The following RNF6 variants were observed in gnomAD, a reference collection of about 807,000 sequenced individuals.
RNF6 encodes ring finger protein 6, also known as E3 ubiquitin-protein ligase RNF6.
A neutral mutation model predicts 50.1 loss-of-function variants in RNF6; 21 were observed. That is an observed-to-expected ratio of 0.42 (90% confidence interval 0.30 to 0.60). RNF6 has a LOEUF of 0.60. Ranked by LOEUF, RNF6 falls within the 20% of genes least tolerant of loss-of-function variation. The pLI, the probability that RNF6 is intolerant of heterozygous loss-of-function variation, is 0.20. For missense variants in RNF6, 698 were observed against 838.2 expected (o/e 0.83, Z 2.07); for synonymous variants, 255 against 291.8 (o/e 0.87, Z 1.29).
intron 5 of RNF6, among the ~76,000 whole-genome samples, chr13:26,156,750 T>C (rs1057124180): frequency 1.3e-5 from 2 of 152,206 alleles, no homozygotes; most frequent in Non-Finnish European, 2.9e-5. Context: ...TCAGATTCTC[T>C]CATTTTTTAG....
At position 26,214,881 on chromosome 13, in the gene RNF6, T is replaced by C. The variant is rs866997153; in HGVS notation, c.1001A>G (p.Gln334Arg). The C allele has an allele frequency of 1.4e-5, 23 of 1,614,264 alleles. No homozygotes were observed. The highest frequency in any genetic ancestry group is 2.2e-5 in the East Asian group (1 of 44,886). ...CCTAACAGATCTTCTAGTGGTTTGC[T>C]GTACTGGTCTACTTTCCCTTTGGGA... is the stretch of plus-strand genomic sequence containing the variant. ...HNSQRESRPVQQTTRRSVRRR... is the reference protein window; with the variant it reads ...HNSQRESRPVRQTTRRSVRRR... Residue 334 changes from glutamine (Q) to arginine (R), a missense_variant, in exon 5 of 5, where the codon CAG (glutamine) becomes CGG (arginine). Coordinates refer to ENST00000381588, the MANE Select transcript of RNF6 (RefSeq NM_005977.4).
intron 3 of RNF6, among the ~76,000 whole-genome samples, chr13:26,219,142 T>C (rs1004221948): frequency 3.3e-5 from 5 of 152,192 alleles, no homozygotes; most frequent in Non-Finnish European, 7.4e-5. Flanking sequence ...AATTGGGTTT[T>C]AAGTCATATT....
At chr13:26,186,015 A>G (rs1873502372) in intron 5 of RNF6, among the ~76,000 whole-genome samples, 2 of 152,218 alleles carry the variant, frequency 1.3e-5, no homozygotes, top group South Asian at 2.1e-4. Flanking sequence ...CTTGCAGTCT[A>G]CATAAACATA....
chr13:26,177,143 A>G (rs1387175304), intron 5 of RNF6, among the ~76,000 whole-genome samples: 1 of 152,126 alleles, frequency 6.6e-6, no homozygotes, highest in African/African-American at 2.4e-5. Context: ...CTGACACCTT[A>G]ATCTTGAACT....
chr13:26,179,557 C>A (rs1873133657), intron 5 of RNF6, among the ~76,000 whole-genome samples: 1 of 152,192 alleles, frequency 6.6e-6, no homozygotes, highest in South Asian at 2.1e-4. Context: ...TGAACAGTTC[C>A]TTCTTATCTC....
At chr13:26,134,826 G>T (rs1395702039) in intron 5 of RNF6, among the ~76,000 whole-genome samples, 1 of 152,128 alleles carries the variant, frequency 6.6e-6, no homozygotes, top group East Asian at 1.9e-4. Flanking sequence ...AATTACCATT[G>T]GGAATAAAGG....
intron 5 of RNF6, among the ~76,000 whole-genome samples, chr13:26,175,339 C>T (rs1296303607): frequency 6.6e-6 from 1 of 152,192 alleles, no homozygotes; most frequent in Non-Finnish European, 1.5e-5. Context: ...CCTCGGGCCC[C>T]CAAAGTGCTG....
At chr13:26,202,102 G>A (rs1215870817) in intron 5 of RNF6, among the ~76,000 whole-genome samples, 1 of 152,204 alleles carries the variant, frequency 6.6e-6, no homozygotes. Context: ...GCTAACAGCG[G>A]TAAACTTGGA....
chr13:26,174,527 G>T (rs899288562), intron 5 of RNF6, among the ~76,000 whole-genome samples: 4 of 151,454 alleles, frequency 2.6e-5, no homozygotes, highest in African/African-American at 9.7e-5. Context: ...GTGGTGGCAG[G>T]TGCCTGTAAT....
chr13:26,214,788 G>A lies in RNF6; in HGVS notation c.1094C>T (p.Thr365Ile), dbSNP rs1268801644. The A allele has an allele frequency of 6.2e-6, 10 of 1,614,008 alleles. No individual in the cohort carries two copies. Among genetic ancestry groups the A allele is most frequent in the Non-Finnish European group, 8.5e-6 (10 of 1,180,032 alleles). Residue 365 changes from threonine (T) to isoleucine (I), a missense_variant, in exon 5 of 5, where the codon ACC becomes ATC. Coordinates refer to ENST00000381588, the MANE Select transcript of RNF6 (RefSeq NM_005977.4). ...CACAAGCCTTGAATTAGAGAATGGG[G>A]TATATGCAGTACCTCTGCGTTCTCG... ...RERERRGTAY[T>I]PFSNSRLVSR...
intron 5 of RNF6, among the ~76,000 whole-genome samples, chr13:26,203,794 T>C (rs535977101): frequency 6.6e-6 from 1 of 152,280 alleles, no homozygotes; most frequent in Admixed American, 6.5e-5. Context: ...ACCTCATCTC[T>C]ACTAAAAATA....
At chr13:26,181,982 C>G (rs1468287037) in intron 5 of RNF6, among the ~76,000 whole-genome samples, 5 of 152,156 alleles carry the variant, frequency 3.3e-5, no homozygotes, top group Admixed American at 1.3e-4. Flanking sequence ...AAACAGCTAG[C>G]CTTCTTTAAT....
downstream of RNF6, among the ~76,000 whole-genome samples, chr13:26,210,338 T>G (rs4770959): frequency 6.6e-6 from 1 of 152,216 alleles, no homozygotes; most frequent in Non-Finnish European, 1.5e-5. Context: ...AATGGAGAGA[T>G]GCAGGAAGAT....
At chr13:26,222,799 T>G (rs913944424), upstream of RNF6, 1 of 152,468 alleles carries the variant, frequency 6.6e-6, no homozygotes, top group Non-Finnish European at 1.5e-5. Context: ...ACATTTTTTC[T>G]TTTGTAGAGA....
chr13:26,193,820 C>A (rs1361757651), intron 5 of RNF6, among the ~76,000 whole-genome samples: 1 of 152,140 alleles, frequency 6.6e-6, no homozygotes, highest in Non-Finnish European at 1.5e-5. Flanking sequence ...AAGGGTTGAT[C>A]TTAATTTGAA....
intron 5 of RNF6, among the ~76,000 whole-genome samples, chr13:26,137,650 T>G (rs1192070544): frequency 1.6e-5 from 1 of 61,104 alleles, no homozygotes; most frequent in Non-Finnish European, 3.5e-5. Flanking sequence ...GAGATAGAAA[T>G]TATAAAAAAA....
chr13:26,188,918 G>A (rs1308651049), intron 5 of RNF6, among the ~76,000 whole-genome samples: 1 of 151,962 alleles, frequency 6.6e-6, no homozygotes, highest in Admixed American at 6.6e-5. Flanking sequence ...ATGAGCCACT[G>A]CGCCCGGCTC....
intron 5 of RNF6, among the ~76,000 whole-genome samples, chr13:26,164,824 C>T (rs778704355): frequency 2.6e-5 from 4 of 152,108 alleles, no homozygotes; most frequent in Non-Finnish European, 5.9e-5. Flanking sequence ...ACTTTGGGTG[C>T]TGTTAAAGAC....
At chr13:26,165,188 T>C (rs1431595908) in intron 5 of RNF6, among the ~76,000 whole-genome samples, 1 of 152,188 alleles carries the variant, frequency 6.6e-6, no homozygotes, top group East Asian at 1.9e-4. Flanking sequence ...ACTTGGGACA[T>C]GGCTTCAGAA....
Sources: allele counts gnomAD v4.1 joint callset (sites outside exome capture counted in the v4.1 genomes callset), GRCh38; gene constraint gnomAD v4.1.1; transcripts MANE v1.5; gene names NCBI Gene and HGNC (gene_info 2026-07-23, HGNC 2026-07-21).